LRRTM4: variants seen among roughly 807,000 people sequenced by gnomAD.
LRRTM4 encodes leucine rich repeat transmembrane neuronal 4.
LRRTM4 carries 25 observed loss-of-function variants against 47.6 expected under a neutral mutation model. That is an observed-to-expected ratio of 0.53 (90% CI 0.38 to 0.73). The LOEUF (loss-of-function observed/expected upper bound fraction) is 0.73. Ranked by LOEUF, LRRTM4 falls within the 30% of genes least tolerant of loss-of-function variation. LRRTM4 has a pLI of 0.00. For synonymous variants in LRRTM4, 311 were observed against 269.5 expected, an observed-to-expected ratio of 1.15 and a Z score of -1.51; for missense variants, 638 against 713.4, an observed-to-expected ratio of 0.89 and a Z score of 1.20.
intron 3 of LRRTM4, among the ~76,000 whole-genome samples, chr2:77,502,809 A>G (rs545263206): frequency 6.6e-6 from 1 of 151,762 alleles, no homozygotes; most frequent in South Asian, 2.1e-4. Flanking sequence ...GTTTGACTAT[A>G]CAAGGATTTC....
At chr2:77,031,817 A>G (rs1190900894) in intron 3 of LRRTM4, among the ~76,000 whole-genome samples, 1 of 151,992 alleles carries the variant, frequency 6.6e-6, no homozygotes, top group Non-Finnish European at 1.5e-5. Context: ...TATACTTATA[A>G]GAAGTAAATT....
At chr2:76,995,051 A>G (rs768939383) in intron 3 of LRRTM4, among the ~76,000 whole-genome samples, 6 of 152,088 alleles carry the variant, frequency 3.9e-5, no homozygotes, top group South Asian at 4.1e-4. Context: ...TTATTATAAG[A>G]CTTGAGATTG....
chr2:77,491,640 T>A (rs1014009417), intron 3 of LRRTM4, among the ~76,000 whole-genome samples: 5 of 151,650 alleles, frequency 3.3e-5, no homozygotes, highest in African/African-American at 1.2e-4. Context: ...TAAGAAATAG[T>A]ATTAAAAAGA....
At chr2:77,284,843 G>T (rs1676606167) in intron 3 of LRRTM4, among the ~76,000 whole-genome samples, 1 of 152,004 alleles carries the variant, frequency 6.6e-6, no homozygotes, top group African/African-American at 2.4e-5. Context: ...AGTCCTTGAA[G>T]TCTGCTTATC....
intron 3 of LRRTM4, among the ~76,000 whole-genome samples, chr2:76,777,637 T>G (rs1674104385): frequency 6.6e-6 from 1 of 150,778 alleles, no homozygotes; most frequent in African/African-American, 2.4e-5. Flanking sequence ...TGAAGTTGCT[T>G]ATCAGCTTAA....
chr2:77,426,321 T>C (rs1475767547), intron 3 of LRRTM4, among the ~76,000 whole-genome samples: 7 of 152,172 alleles, frequency 4.6e-5, no homozygotes, highest in Non-Finnish European at 1.0e-4. Flanking sequence ...CTAAATCATC[T>C]ACATACATGT....
At chr2:76,784,965 G>C (rs184871774) in intron 3 of LRRTM4, among the ~76,000 whole-genome samples, 1 of 152,064 alleles carries the variant, frequency 6.6e-6, no homozygotes, top group Non-Finnish European at 1.5e-5. Flanking sequence ...ACTTCAGAAT[G>C]TATCACACCA....
intron 3 of LRRTM4, among the ~76,000 whole-genome samples, chr2:76,830,515 C>CAT (rs143502377): frequency 2.8e-5 from 4 of 143,988 alleles, no homozygotes; most frequent in African/African-American, 7.5e-5. Flanking sequence ...GCAGTGTGTG[C>CAT]GTGTGTGTGT....
intron 3 of LRRTM4, among the ~76,000 whole-genome samples, chr2:77,457,478 A>G (rs1676607548): frequency 6.6e-6 from 1 of 152,094 alleles, no homozygotes; most frequent in African/African-American, 2.4e-5. Context: ...CTTCCACACC[A>G]ACATTCCTGC....
intron 3 of LRRTM4, among the ~76,000 whole-genome samples, chr2:77,179,429 G>C (rs1408721844): frequency 1.3e-5 from 2 of 152,110 alleles, no homozygotes; most frequent in Non-Finnish European, 2.9e-5. Context: ...TTTTTCCCTT[G>C]TGTGTTGCTT....
intron 3 of LRRTM4, among the ~76,000 whole-genome samples, chr2:77,154,576 A>G (rs749475284): frequency 6.6e-6 from 1 of 152,176 alleles, no homozygotes; most frequent in Admixed American, 6.5e-5. Flanking sequence ...AAAATGAATA[A>G]AAAGCAATAA....
intron 3 of LRRTM4, among the ~76,000 whole-genome samples, chr2:77,219,798 A>C (rs1009525135): frequency 6.6e-6 from 1 of 152,282 alleles, no homozygotes; most frequent in Middle Eastern, 3.4e-3. Flanking sequence ...TAGACAATCA[A>C]AACACAGCAA....
intron 3 of LRRTM4, among the ~76,000 whole-genome samples, chr2:76,770,228 T>C (rs1315001360): frequency 6.6e-6 from 1 of 152,188 alleles, no homozygotes; most frequent in Non-Finnish European, 1.5e-5. Flanking sequence ...GTGAAATAGA[T>C]CATGGTTGCT....
intron 3 of LRRTM4, among the ~76,000 whole-genome samples, chr2:77,211,550 G>T (rs1288083324): frequency 6.6e-6 from 1 of 152,052 alleles, no homozygotes; most frequent in Non-Finnish European, 1.5e-5. Flanking sequence ...AAATACTTAG[G>T]ATCCTTATCA....
intron 3 of LRRTM4, among the ~76,000 whole-genome samples, chr2:76,814,826 CACACACACAA>C (rs908972976): frequency 8.7e-5 from 13 of 148,756 alleles, no homozygotes; most frequent in Admixed American, 1.3e-4. Context: ...CACACACACA[CACACACACAA>C]AAGCATACCC....
At chr2:77,040,221 A>G (rs1375446152) in intron 3 of LRRTM4, among the ~76,000 whole-genome samples, 1 of 151,330 alleles carries the variant, frequency 6.6e-6, no homozygotes, top group Non-Finnish European at 1.5e-5. Context: ...TTCCCTTAAC[A>G]AGACACATAT....
chr2:77,366,575 T>A (rs1244931739), intron 3 of LRRTM4, among the ~76,000 whole-genome samples: 1 of 151,772 alleles, frequency 6.6e-6, no homozygotes, highest in Non-Finnish European at 1.5e-5. Flanking sequence ...CTTTCTTATA[T>A]CTCACTTGGA....
At chr2:77,285,701 C>T (rs1299468273) in intron 3 of LRRTM4, among the ~76,000 whole-genome samples, 5 of 151,860 alleles carry the variant, frequency 3.3e-5, no homozygotes, top group African/African-American at 1.2e-4. Context: ...GAGATCGTAC[C>T]ATTGCACTCC....
At chr2:77,174,820 T>TG (rs1673148268) in intron 3 of LRRTM4, among the ~76,000 whole-genome samples, 1 of 150,996 alleles carries the variant, frequency 6.6e-6, no homozygotes, top group South Asian at 2.1e-4. Flanking sequence ...CAACAGGCCC[T>TG]GGTGTGTGAT....
Sources: gnomAD v4.1 joint callset for allele counts (sites outside exome capture counted in the v4.1 genomes callset) on GRCh38, gnomAD v4.1.1 for gene constraint, MANE v1.5 for transcripts, NCBI Gene and HGNC (gene_info 2026-07-23, HGNC 2026-07-21) for gene names.